GPC5: variants seen among roughly 807,000 people sequenced by gnomAD.
The protein encoded by GPC5 is glypican-5.
Under a neutral mutation model 53.9 loss-of-function variants are expected in GPC5, and 47 were observed. That is an observed-to-expected ratio of 0.87 (90% CI 0.69 to 1.11). The LOEUF (loss-of-function observed/expected upper bound fraction) is 1.11, where lower values mean the gene tolerates loss of function less well. Among genes scored for constraint, GPC5 ranks in the 50% most tolerant of loss-of-function variants. The pLI is 0.00. For synonymous variants in GPC5, 286 were observed against 263.3 expected (o/e 1.09, Z -0.84); for missense variants, 748 against 713.1 (o/e 1.05, Z -0.56).
chr13:92,751,082 G>C (rs1889375742), intron 7 of GPC5, among the ~76,000 whole-genome samples: 1 of 151,798 alleles, frequency 6.6e-6, no homozygotes, highest in Admixed American at 6.6e-5. Context: ...ATGAAAAATT[G>C]ATATATATAA....
At chr13:91,913,444 G>A (rs1249993637) in intron 6 of GPC5, among the ~76,000 whole-genome samples, 1 of 150,984 alleles carries the variant, frequency 6.6e-6, no homozygotes, top group Non-Finnish European at 1.5e-5. Flanking sequence ...ACTTCCTAGA[G>A]AGAGGTCATA....
At chr13:92,090,427 G>A (rs945862468) in intron 6 of GPC5, among the ~76,000 whole-genome samples, 3 of 152,080 alleles carry the variant, frequency 2.0e-5, no homozygotes, top group Admixed American at 6.5e-5. Flanking sequence ...TTATAAAAGA[G>A]TCCCCAGAGA....
intron 1 of GPC5, among the ~76,000 whole-genome samples, chr13:91,411,432 G>C (rs1432431156): frequency 3.9e-5 from 6 of 152,160 alleles, no homozygotes; most frequent in Non-Finnish European, 8.8e-5. Context: ...TGCCCCTTCA[G>C]AAGGCCTCTC....
chr13:92,078,304 C>T (rs1439389224), intron 6 of GPC5, among the ~76,000 whole-genome samples: 2 of 152,150 alleles, frequency 1.3e-5, no homozygotes, highest in Non-Finnish European at 2.9e-5. Flanking sequence ...ATTCTGAGCG[C>T]CATTTTAAAC....
chr13:91,677,690 T>C (rs2035415586), intron 2 of GPC5, among the ~76,000 whole-genome samples: 1 of 152,244 alleles, frequency 6.6e-6, no homozygotes, highest in African/African-American at 2.4e-5. Context: ...ACACCATTTT[T>C]TGAATTGGTA....
At chr13:91,430,437 T>C (rs1453909138) in intron 1 of GPC5, among the ~76,000 whole-genome samples, 3 of 152,182 alleles carry the variant, frequency 2.0e-5, no homozygotes, top group Non-Finnish European at 4.4e-5. Flanking sequence ...GTCAATAAAA[T>C]ATGAAGAGAA....
intron 7 of GPC5, among the ~76,000 whole-genome samples, chr13:92,658,110 C>A (rs1886201574): frequency 6.6e-6 from 1 of 152,122 alleles, no homozygotes; most frequent in South Asian, 2.1e-4. Context: ...TTGTCACTGT[C>A]TTTCTTCTCT....
At chr13:92,311,798 A>G (rs1594091469) in intron 7 of GPC5, among the ~76,000 whole-genome samples, 1 of 152,140 alleles carries the variant, frequency 6.6e-6, no homozygotes, top group East Asian at 1.9e-4. Flanking sequence ...TCAAGATGAG[A>G]TTTGGGTGGG....
intron 7 of GPC5, among the ~76,000 whole-genome samples, chr13:92,300,545 A>T (rs1009939580): frequency 1.3e-5 from 2 of 152,200 alleles, no homozygotes; most frequent in Admixed American, 6.5e-5. Flanking sequence ...ATCTTTATGG[A>T]TCAGTCAAGA....
Position 92,227,520 on chromosome 13 carries a change from G to A in GPC5, c.1561+82531G>A, listed in dbSNP as rs116848876. Among the ~76,000 whole-genome samples, 1,343 of 152,140 alleles carry A rather than the reference G, an allele frequency of 8.8e-3. 15 individuals carry two copies. Among genetic ancestry groups the A allele is most frequent in the Admixed American group, 0.014 (210 of 15,270 alleles). On this transcript the variant is annotated intron_variant, in intron 7 of 7. Transcript: ENST00000377067. ...TCTATTATGGTCTCCTTTCTTAAAT[G>A]TAAACAGAGCCAAAGATCACCAGGA...
At chr13:92,613,721 G>A (rs1216893374) in intron 7 of GPC5, among the ~76,000 whole-genome samples, 1 of 140,466 alleles carries the variant, frequency 7.1e-6, no homozygotes, top group Non-Finnish European at 1.5e-5. Context: ...ATCAGGGCAT[G>A]GTGGTACATG....
intron 2 of GPC5, among the ~76,000 whole-genome samples, chr13:91,589,326 G>A (rs763107268): frequency 9.3e-5 from 14 of 150,762 alleles, no homozygotes; most frequent in Non-Finnish European, 1.3e-4. Context: ...CTTTTCTTCC[G>A]TACTTTTTTT....
chr13:91,903,046 C>G (rs1262691067), intron 5 of GPC5, among the ~76,000 whole-genome samples: 1 of 136,676 alleles, frequency 7.3e-6, no homozygotes, highest in African/African-American at 2.7e-5. Flanking sequence ...TTTTTTTTAA[C>G]AAACTTAGCA....
chr13:91,453,875 A>G (rs572308667), intron 2 of GPC5, among the ~76,000 whole-genome samples: 3 of 152,164 alleles, frequency 2.0e-5, no homozygotes, highest in African/African-American at 7.2e-5. Flanking sequence ...ATCATTAGGT[A>G]CTTAGATTGT....
At chr13:92,037,104 T>C (rs1464822901) in intron 6 of GPC5, among the ~76,000 whole-genome samples, 1 of 152,170 alleles carries the variant, frequency 6.6e-6, no homozygotes, top group East Asian at 1.9e-4. Flanking sequence ...ACTCTGTCTC[T>C]TTCTTCTAAG....
chr13:91,434,733 G>A (rs926407092), intron 1 of GPC5, among the ~76,000 whole-genome samples: 2 of 152,148 alleles, frequency 1.3e-5, no homozygotes, highest in African/African-American at 4.8e-5. Flanking sequence ...GAAAGTCATT[G>A]GTGGCTTGAT....
At chr13:92,405,174 C>A (rs1327354666) in intron 7 of GPC5, among the ~76,000 whole-genome samples, 1 of 152,156 alleles carries the variant, frequency 6.6e-6, no homozygotes, top group African/African-American at 2.4e-5. Context: ...GCATGGGTGT[C>A]CCAGCAGCTG....
intron 1 of GPC5, among the ~76,000 whole-genome samples, chr13:91,448,422 T>G (rs532383706): frequency 1.1e-4 from 16 of 152,324 alleles, no homozygotes; most frequent in African/African-American, 3.6e-4. Context: ...TCAAGCAATT[T>G]TGGCTGAATT....
chr13:92,281,475 A>T (rs1043845670), intron 7 of GPC5, among the ~76,000 whole-genome samples: 1 of 152,220 alleles, frequency 6.6e-6, no homozygotes, highest in African/African-American at 2.4e-5. Flanking sequence ...ACCACCGAGT[A>T]GCCTAACTGG....
Sources: allele counts gnomAD v4.1 joint callset (sites outside exome capture counted in the v4.1 genomes callset), GRCh38; gene constraint gnomAD v4.1.1; transcripts MANE v1.5; gene names NCBI Gene and HGNC (gene_info 2026-07-23, HGNC 2026-07-21).